Variants in AOX1 observed in about 807,000 individuals in gnomAD.
AOX1 encodes the protein aldehyde oxidase.
AOX1 carries 153 observed loss-of-function variants against 169.5 expected under a neutral mutation model. The ratio of observed to expected loss-of-function variants is 0.90; its 90% confidence interval spans 0.79 to 1.03. AOX1 has a LOEUF of 1.03. Ranked by LOEUF, AOX1 falls within the 50% of genes least tolerant of loss-of-function variation. The pLI, the probability that AOX1 is intolerant of heterozygous loss-of-function variation, is 0.00. For synonymous variants in AOX1, 562 were observed against 581.9 expected (o/e 0.97, Z 0.49); for missense variants, 1,656 against 1,663.9 (o/e 1.00, Z 0.08).
chr2:200,631,098 G>A (rs919581960), intron 20 of AOX1, among the ~76,000 whole-genome samples: 1 of 152,166 alleles, frequency 6.6e-6, no homozygotes, highest in Non-Finnish European at 1.5e-5. Context: ...CTTAGAATGC[G>A]TTCTTGGAGG....
At chr2:200,633,917 G>GT (rs2035177130) in intron 20 of AOX1, among the ~76,000 whole-genome samples, 2 of 152,142 alleles carry the variant, frequency 1.3e-5, no homozygotes, top group Admixed American at 1.3e-4. Flanking sequence ...CTAGGTAGGG[G>GT]TTGTAAGTCC....
intron 20 of AOX1, among the ~76,000 whole-genome samples, chr2:200,632,425 T>G (rs1198171816): frequency 6.6e-6 from 1 of 151,728 alleles, no homozygotes; most frequent in Admixed American, 6.6e-5. Context: ...TTACCTCCCT[T>G]TACATCCCTC....
intron 16 of AOX1, among the ~76,000 whole-genome samples, chr2:200,617,947 G>T (rs747471772): frequency 5.3e-5 from 8 of 152,112 alleles, no homozygotes; most frequent in South Asian, 2.1e-4. Flanking sequence ...CACTATCTCA[G>T]CTCCTCGAAG....
chr2:200,658,783 A>G (rs1416474503), intron 27 of AOX1, among the ~76,000 whole-genome samples: 1 of 152,176 alleles, frequency 6.6e-6, no homozygotes, highest in South Asian at 2.1e-4. Context: ...TGGATAGGAG[A>G]TAGACATCTC....
At chr2:200,657,771 T>C (rs2035723489) in intron 27 of AOX1, among the ~76,000 whole-genome samples, 1 of 152,154 alleles carries the variant, frequency 6.6e-6, no homozygotes, top group African/African-American at 2.4e-5. Context: ...TTAATCATAA[T>C]AGTAACATTA....
chr2:200,653,940 C>A (rs2035629013), intron 26 of AOX1, among the ~76,000 whole-genome samples: 1 of 152,042 alleles, frequency 6.6e-6, no homozygotes, highest in Non-Finnish European at 1.5e-5. Context: ...TATAAGACAG[C>A]AAACTTAATA....
At chr2:200,642,080 G>A (rs2035363782) in intron 24 of AOX1, among the ~76,000 whole-genome samples, 1 of 151,978 alleles carries the variant, frequency 6.6e-6, no homozygotes, top group Admixed American at 6.6e-5. Flanking sequence ...AGTGAGCCGA[G>A]ATTTCACCAT....
chr2:200,663,341 T>C (rs554290508), intron 31 of AOX1, among the ~76,000 whole-genome samples: 2 of 152,312 alleles, frequency 1.3e-5, no homozygotes, highest in South Asian at 4.2e-4. Flanking sequence ...TAGACATCTG[T>C]AATCTGCTAA....
Position 200,637,036 on chromosome 2 carries a change from C to T in AOX1, c.2472C>T (p.Ala824=), listed in dbSNP as rs550664439. The change falls in exon 22 of 35, where the codon GCC becomes GCT. Residue 824 remains alanine (A), a synonymous_variant. Transcript: ENST00000374700. ...TCATTGCAGCCGTCACTGCATTTGC[C>T]GCAAACAAGTAAGTGGAGAAAATCT... ...TGIIAAVTAF[A]ANKHGRAVRC... is the part of the protein sequence containing the mutation. 4.5e-5 allele frequency: 73 copies of T among 1,613,788 alleles called. No individual in the cohort carries two copies. Among genetic ancestry groups the T allele is most frequent in the South Asian group, 4.5e-4 (41 of 91,032 alleles).
chr2:200,588,365 G>A (rs1267154463), intron 1 of AOX1: 1 of 152,280 alleles, frequency 6.6e-6, no homozygotes, highest in African/African-American at 2.4e-5. Context: ...TGATGGTAAG[G>A]GTTTGGGTTA....
At chr2:200,640,030 C>T (rs1021169252) in intron 23 of AOX1, among the ~76,000 whole-genome samples, 19 of 140,928 alleles carry the variant, frequency 1.3e-4, no homozygotes, top group African/African-American at 4.1e-4. Context: ...GAGCGAGACT[C>T]CATCTCAAAA....
At chr2:200,662,774 A>G in intron 30 of AOX1, 81 bp from the exon 31 acceptor site, 1 of 1,095,570 alleles carries the variant, frequency 9.1e-7, no homozygotes, top group South Asian at 1.3e-5. Flanking sequence ...TGGCTTGCAT[A>G]AATCCTCATG....
chr2:200,668,885 G>A, intron 33 of AOX1, 82 bp downstream of exon 33: 1 of 1,239,050 alleles, frequency 8.1e-7, no homozygotes, highest in Non-Finnish European at 1.1e-6. Context: ...TCTCTTGGCT[G>A]TTTGGGATTT....
chr2:200,670,609 C>T lies in AOX1; in HGVS notation c.3967-20C>T. 6.2e-7 allele frequency: 1 copy of T among 1,606,492 alleles called. No individual in the cohort carries two copies. Among genetic ancestry groups the T allele is most frequent in the East Asian group, 2.2e-5 (1 of 44,850 alleles). ...CAAACATTTCCCAGGTTTGAACATCCAGATTTGTTTTTATTTTAGATTCCG... is the reference window on the plus strand; with the variant it reads ...CAAACATTTCCCAGGTTTGAACATCTAGATTTGTTTTTATTTTAGATTCCG... On this transcript the variant is annotated intron_variant, in intron 34 of 34. Transcript: ENST00000374700.
chr2:200,657,139 C>A (rs1403955343), intron 27 of AOX1, among the ~76,000 whole-genome samples: 4 of 127,400 alleles, frequency 3.1e-5, no homozygotes, highest in Non-Finnish European at 6.4e-5. Flanking sequence ...GCCCAGGGAA[C>A]ATAGGGAGAT....
chr2:200,597,371 T>A (rs372402374), intron 3 of AOX1, 26 bp from the exon 4 acceptor site: 1 of 1,541,560 alleles, frequency 6.5e-7, no homozygotes, highest in Non-Finnish European at 8.9e-7. Context: ...AATTTGTAAT[T>A]TGTGCTTTTC....
intron 16 of AOX1, among the ~76,000 whole-genome samples, chr2:200,617,109 T>C (rs2034774560): frequency 6.6e-6 from 1 of 152,204 alleles, no homozygotes; most frequent in African/African-American, 2.4e-5. Context: ...TTAATGGATA[T>C]TGAAATCATC....
Position 200,603,333 on chromosome 2 carries a change from C to G in AOX1, c.565C>G (p.Pro189Ala), listed in dbSNP as rs771935952. The G allele has an allele frequency of 6.2e-7, 1 of 1,613,584 alleles. No individual in the cohort carries two copies. The highest frequency in any genetic ancestry group is 1.1e-5 in the South Asian group (1 of 91,060). Reference protein sequence around the residue: ...CCLDQGINGLPEFEEGSKTSP... With the variant: ...CCLDQGINGLAEFEEGSKTSP... ...TTTGGATCAAGGAATCAATGGATTG[C>G]CAGAATTTGAGGAAGGAAGTAAGGT... The change falls in exon 7 of 35, where the codon CCA (proline) becomes GCA (alanine). Residue 189 changes from proline (P) to alanine (A), a missense_variant. Pro to Ala is a conservative substitution (Grantham distance 27). Transcript: ENST00000374700.
At chr2:200,631,970 CT>C (rs1344271936) in intron 20 of AOX1, among the ~76,000 whole-genome samples, 1 of 151,886 alleles carries the variant, frequency 6.6e-6, no homozygotes, top group Non-Finnish European at 1.5e-5. Context: ...TTTCTGTGCT[CT>C]TTTTTTAAAC....
Sources: allele counts gnomAD v4.1 joint callset (sites outside exome capture counted in the v4.1 genomes callset), GRCh38; gene constraint gnomAD v4.1.1; transcripts MANE v1.5; gene names NCBI Gene and HGNC (gene_info 2026-07-23, HGNC 2026-07-21).